The following DYRK1A variants were observed in gnomAD, a reference collection of about 807,000 sequenced individuals.
DYRK1A encodes the protein dual specificity tyrosine phosphorylation regulated kinase 1A.
DYRK1A carries 9 observed loss-of-function variants against 79.7 expected under a neutral mutation model. The ratio of observed to expected loss-of-function variants is 0.11; its 90% CI spans 0.07 to 0.20. The LOEUF (loss-of-function observed/expected upper bound fraction) is 0.20, where lower values mean the gene tolerates loss of function less well. Among genes scored for constraint, DYRK1A ranks in the 10% least tolerant of loss-of-function variants. The pLI, the probability that DYRK1A is intolerant of heterozygous loss-of-function variation, is 1.00. For synonymous variants in DYRK1A, 349 were observed against 329.7 expected, an observed-to-expected ratio of 1.06 and a Z score of -0.63; for missense variants, 622 against 956.0, an observed-to-expected ratio of 0.65 and a Z score of 4.61.
At chr21:37,463,044 A>G (rs1379558210) in intron 2 of DYRK1A, among the ~76,000 whole-genome samples, 2 of 152,154 alleles carry the variant, frequency 1.3e-5, no homozygotes, top group Non-Finnish European at 2.9e-5. Flanking sequence ...ATTTTAATAT[A>G]TAGATTCAGT....
chr21:37,378,720 G>A (rs562834867), intron 1 of DYRK1A, among the ~76,000 whole-genome samples: 1 of 152,296 alleles, frequency 6.6e-6, no homozygotes, highest in South Asian at 2.1e-4. Flanking sequence ...GATTATAAAA[G>A]TGAATAAGGT....
intron 1 of DYRK1A, among the ~76,000 whole-genome samples, chr21:37,385,777 C>A (rs1344218690): frequency 6.6e-6 from 1 of 152,136 alleles, no homozygotes; most frequent in Non-Finnish European, 1.5e-5. Flanking sequence ...TATTACCATA[C>A]CATGTTCTTC....
chr21:37,497,370 T>A (rs999137134), intron 9 of DYRK1A, among the ~76,000 whole-genome samples: 13 of 152,208 alleles, frequency 8.5e-5, no homozygotes, highest in African/African-American at 3.1e-4. Flanking sequence ...TTCCAGCTGC[T>A]AAATTATGCC....
chr21:37,403,986 A>G (rs971884834), intron 1 of DYRK1A, among the ~76,000 whole-genome samples: 1 of 150,792 alleles, frequency 6.6e-6, no homozygotes, highest in Non-Finnish European at 1.5e-5. Context: ...TTTTCCTGTG[A>G]CTCTTGTCTG....
At chr21:37,449,318 A>G (rs1404490557) in intron 2 of DYRK1A, among the ~76,000 whole-genome samples, 6 of 152,246 alleles carry the variant, frequency 3.9e-5, no homozygotes, top group South Asian at 4.1e-4. Flanking sequence ...TTCTTGCCAT[A>G]TAATAGTCCA....
chr21:37,462,840 T>C (rs1327504238), intron 2 of DYRK1A, among the ~76,000 whole-genome samples: 4 of 152,282 alleles, frequency 2.6e-5, no homozygotes, highest in Admixed American at 6.5e-5. Context: ...CTTTTTTCAG[T>C]CATCACGATT....
At chr21:37,367,828 G>A (rs1208141764) in intron 1 of DYRK1A, among the ~76,000 whole-genome samples, 200 bp downstream of exon 1, 2 of 151,348 alleles carry the variant, frequency 1.3e-5, no homozygotes, top group Non-Finnish European at 1.5e-5. Flanking sequence ...GCGAGCGGAG[G>A]GAAAGTTGCG....
chr21:37,367,186 T>A lies in DYRK1A; in HGVS notation c.-519T>A, dbSNP rs1363632363. On this transcript the variant is annotated 5_prime_UTR_variant, in exon 1 of 12. Coordinates refer to ENST00000647188, the MANE Select transcript of DYRK1A (RefSeq NM_001347721.2). ...GGACTCGGGGGCGGGCGGTTCGGGC[T>A]CTCCTGGCGGAGGAGCCGCCGCCGC... The A allele has an allele frequency of 2.7e-5, 4 of 150,828 alleles. No individual in the cohort carries two copies. Among genetic ancestry groups the A allele is most frequent in the African/African-American group, 9.8e-5 (4 of 40,934 alleles). The allele number at this position is 150,828 out of a possible 1,614,324, so 9.3% of individuals were successfully genotyped here.
Position 37,495,965 on chromosome 21 carries a change from T to A in DYRK1A, c.1072-153T>A, listed in dbSNP as rs1468057352. ...TATTTGACTCAAGGAAGGTAGGGCC[T>A]TTCTTGTGTTTGTTCATTACTGTAT... On this transcript the variant is annotated intron_variant, in intron 8 of 11. Coordinates refer to ENST00000647188, the MANE Select transcript of DYRK1A (RefSeq NM_001347721.2). 3 of 647,424 alleles carry A rather than the reference T, an allele frequency of 4.6e-6. No homozygotes were observed. In the African/African-American group the frequency reaches 5.5e-5, roughly 12 times the overall value. The allele number at this position is 647,424 out of a possible 1,614,324, so 40.1% of individuals were successfully genotyped here.
intron 1 of DYRK1A, chr21:37,415,412 C>T (rs1569302775): frequency 6.6e-6 from 1 of 152,120 alleles, no homozygotes; most frequent in Non-Finnish European, 1.5e-5. Flanking sequence ...GCAAAATTGA[C>T]TCATCTGCTA....
intron 1 of DYRK1A, among the ~76,000 whole-genome samples, chr21:37,369,223 C>A (rs550273425): frequency 6.6e-6 from 1 of 152,258 alleles, no homozygotes; most frequent in African/African-American, 2.4e-5. Context: ...GTTTTAATAA[C>A]TCAGGGGAAT....
chr21:37,413,541 A>G (rs2050281027), intron 1 of DYRK1A, among the ~76,000 whole-genome samples: 1 of 152,204 alleles, frequency 6.6e-6, no homozygotes, highest in South Asian at 2.1e-4. Flanking sequence ...AAGGGCTTGC[A>G]GGTTACTGAT....
chr21:37,450,555 T>G (rs1407188405), intron 2 of DYRK1A, among the ~76,000 whole-genome samples: 1 of 152,172 alleles, frequency 6.6e-6, no homozygotes, highest in Non-Finnish European at 1.5e-5. Flanking sequence ...AAAAGAATTA[T>G]CACACCCTTG....
chr21:37,444,138 GT>G (rs1433776685), intron 2 of DYRK1A, among the ~76,000 whole-genome samples: 1 of 152,112 alleles, frequency 6.6e-6, no homozygotes, highest in East Asian at 1.9e-4. Flanking sequence ...TGTTTAGAAG[GT>G]TTATCAGATT....
intron 2 of DYRK1A, among the ~76,000 whole-genome samples, chr21:37,468,100 G>A (rs1203712543): frequency 1.3e-5 from 2 of 152,092 alleles, no homozygotes; most frequent in Admixed American, 6.5e-5. Flanking sequence ...ACATGGAATA[G>A]CCAAACTTAC....
intron 2 of DYRK1A, among the ~76,000 whole-genome samples, chr21:37,428,623 G>A (rs1248379839): frequency 6.6e-6 from 1 of 152,062 alleles, no homozygotes; most frequent in African/African-American, 2.4e-5. Context: ...AAAGTGAAAT[G>A]AAATAATTTC....
Position 37,518,320 on chromosome 21 carries a change from C to G in DYRK1A, c.*5789C>G, listed in dbSNP as rs575243109. The stretch of plus-strand genomic sequence containing the variant: ...TCACTTCAGGCACCACTCCCACTTC[C>G]ATTGCCCGCAAATCCAGGAAAGAAA... On this transcript the variant is annotated 3_prime_UTR_variant, in exon 12 of 12. Transcript: ENST00000647188. 1 of 152,264 alleles carries G rather than the reference C, an allele frequency of 6.6e-6. No homozygotes were observed. The highest frequency in any genetic ancestry group is 2.4e-5 in the African/African-American group (1 of 41,442). The allele number at this position is 152,264 out of a possible 1,614,324, so 9.4% of individuals were successfully genotyped here. A position where few individuals can be genotyped will look rare whatever the true frequency, so the allele number is the denominator to read the frequency against.
intron 2 of DYRK1A, chr21:37,464,189 C>A (rs1397829326): frequency 5.2e-6 from 2 of 386,782 alleles, no homozygotes; most frequent in African/African-American, 4.3e-5. Flanking sequence ...TTTGCTGTTT[C>A]CTCTGTGTTT....
chr21:37,412,949 C>A (rs1284742359), intron 1 of DYRK1A, among the ~76,000 whole-genome samples: 3 of 152,152 alleles, frequency 2.0e-5, no homozygotes, highest in Non-Finnish European at 4.4e-5. Context: ...GAAAATACTT[C>A]TTTTGCAGGG....
Sources: allele counts gnomAD v4.1 joint callset (sites outside exome capture counted in the v4.1 genomes callset), GRCh38; gene constraint gnomAD v4.1.1; transcripts MANE v1.5; gene names NCBI Gene and HGNC (gene_info 2026-07-23, HGNC 2026-07-21).